The following MEIS2 variants were observed in gnomAD, a reference collection of about 807,000 sequenced individuals.
The protein encoded by MEIS2 is homeobox protein Meis2.
A neutral mutation model predicts 58.6 loss-of-function variants in MEIS2; 9 were observed. The observed-to-expected ratio is 0.15, with a 90% CI of 0.09 to 0.27. The LOEUF is 0.27. Among genes scored for constraint, MEIS2 ranks in the 10% least tolerant of loss-of-function variants. The probability of loss-of-function intolerance (pLI) is 1.00; values close to 1 mark genes in which losing one functional copy is unlikely to be tolerated. For synonymous variants in MEIS2, 221 were observed against 228.4 expected (o/e 0.97, Z 0.29); for missense variants, 427 against 635.0 (o/e 0.67, Z 3.52).
intron 7 of MEIS2, chr15:37,051,007 G>A (rs907362910): frequency 6.6e-6 from 1 of 152,108 alleles, no homozygotes; most frequent in Non-Finnish European, 1.5e-5. Flanking sequence ...CCTCATCTGT[G>A]AAACGGGAAA....
At chr15:36,895,355 G>C (rs1412315313) in intron 10 of MEIS2, 94 bp from the exon 11 acceptor site, 1 of 1,071,146 alleles carries the variant, frequency 9.3e-7, no homozygotes, top group Non-Finnish European at 1.4e-6. Context: ...AAACGTTATA[G>C]CAACAATGTG....
chr15:36,969,300 A>T (rs573082438), intron 8 of MEIS2, among the ~76,000 whole-genome samples: 16 of 152,334 alleles, frequency 1.1e-4, no homozygotes, highest in Non-Finnish European at 2.4e-4. Context: ...CATCAACATT[A>T]AAGTCCTGTT....
At chr15:37,065,489 G>A (rs1889809975) in intron 7 of MEIS2, among the ~76,000 whole-genome samples, 2 of 152,154 alleles carry the variant, frequency 1.3e-5, no homozygotes, top group Admixed American at 1.3e-4. Flanking sequence ...TGAACAACAC[G>A]TGTGACTGAC....
At chr15:36,986,453 T>A (rs1322634322) in intron 8 of MEIS2, among the ~76,000 whole-genome samples, 3 of 152,236 alleles carry the variant, frequency 2.0e-5, no homozygotes, top group African/African-American at 7.2e-5. Context: ...GTGCTCTTAA[T>A]GTTCCACCCA....
intron 8 of MEIS2, among the ~76,000 whole-genome samples, chr15:36,977,957 A>C (rs112967535): frequency 6.6e-6 from 1 of 152,194 alleles, no homozygotes; most frequent in Non-Finnish European, 1.5e-5. Context: ...TTAGGATCTA[A>C]AATTACCCAA....
At chr15:36,972,192 C>T (rs1365435043) in intron 8 of MEIS2, among the ~76,000 whole-genome samples, 2 of 152,032 alleles carry the variant, frequency 1.3e-5, no homozygotes, top group Non-Finnish European at 2.9e-5. Context: ...GCCTGAGTAG[C>T]ACAAAAGTAA....
At chr15:36,900,603 A>T (rs186031856) in intron 9 of MEIS2, among the ~76,000 whole-genome samples, 1 of 152,232 alleles carries the variant, frequency 6.6e-6, no homozygotes. Context: ...AGATGAAAAA[A>T]TACATTAAAA....
At chr15:37,045,676 G>C (rs1034829509) in intron 7 of MEIS2, among the ~76,000 whole-genome samples, 1 of 152,118 alleles carries the variant, frequency 6.6e-6, no homozygotes, top group African/African-American at 2.4e-5. Flanking sequence ...CCAGCAGTGA[G>C]ACCTGCTAAT....
At chr15:36,984,880 T>C (rs2060044936) in intron 8 of MEIS2, among the ~76,000 whole-genome samples, 1 of 152,138 alleles carries the variant, frequency 6.6e-6, no homozygotes. Context: ...TGGCACAAAA[T>C]TGCTCATAGC....
At chr15:37,041,187 G>A (rs1475214105) in intron 7 of MEIS2, among the ~76,000 whole-genome samples, 2 of 152,188 alleles carry the variant, frequency 1.3e-5, no homozygotes, top group African/African-American at 2.4e-5. Context: ...CTGTGCATTG[G>A]CACTAGCTAA....
At chr15:36,895,966 G>T (rs535698376) in intron 10 of MEIS2, among the ~76,000 whole-genome samples, 10 of 152,152 alleles carry the variant, frequency 6.6e-5, no homozygotes, top group African/African-American at 2.4e-4. Context: ...TATTGCAGGA[G>T]ACCACAAACC....
intron 9 of MEIS2, among the ~76,000 whole-genome samples, chr15:36,934,008 C>CATTAGGGCAAAA (rs2058074844): frequency 6.6e-6 from 1 of 152,166 alleles, no homozygotes; most frequent in Admixed American, 6.5e-5. Context: ...GTCAGCTATG[C>CATTAGGGCAAAA]ATATCACATA....
At position 36,996,023 on chromosome 15, in the gene MEIS2, G is replaced by GTA. The variant is rs1334207577; in HGVS notation, c.900+40789_900+40790dup. On this transcript the variant is annotated intron_variant, in intron 8 of 11. Coordinates refer to ENST00000561208, the MANE Select transcript of MEIS2 (RefSeq NM_170675.5). ...TATATGTATATATATATACATATGTGTATATATATACACACACACACACAT... is the reference window on the plus strand; with the variant it reads ...TATATGTATATATATATACATATGTGTATATATATATACACACACACACACAT... Among the ~76,000 whole-genome samples, 286 of 83,134 alleles carry GTA rather than the reference G, an allele frequency of 3.4e-3. 6 individuals carry two copies. The highest frequency in any genetic ancestry group is 5.3e-3 in the Admixed American group (39 of 7,364). 54.5% of individuals were successfully genotyped at this position (83,134 alleles called of 152,430 possible). A position where few individuals can be genotyped will look rare whatever the true frequency, so the allele number is the denominator to read the frequency against.
In MEIS2 at chr15:36,914,026, C is replaced by A. The variant is rs143290029; in HGVS notation, c.978-17340G>T. 8.6e-3 allele frequency among the ~76,000 whole-genome samples: 1,307 copies of A among 152,316 alleles called. 6 individuals are homozygous for A. The highest frequency in any genetic ancestry group is 0.013 in the Non-Finnish European group (869 of 68,026). On this transcript the variant is annotated intron_variant, in intron 9 of 11. Transcript: ENST00000561208. ...ACTTCCTTTCTTCCTGCCATCCTCA[C>A]CTCCAAGGTCAAAGCGATTGGTGGT...
chr15:36,911,540 A>G (rs1185982680), intron 9 of MEIS2, among the ~76,000 whole-genome samples: 2 of 152,198 alleles, frequency 1.3e-5, no homozygotes, highest in Non-Finnish European at 1.5e-5. Context: ...GATAATGTAT[A>G]GCAATGTACA....
intron 8 of MEIS2, among the ~76,000 whole-genome samples, chr15:37,029,339 C>T (rs2061824502): frequency 6.6e-6 from 1 of 152,124 alleles, no homozygotes; most frequent in Admixed American, 6.6e-5. Context: ...TACTGTATAA[C>T]TAAGGTCAAC....
rs191933434 is a variant in MEIS2 at position 37,001,913 on chromosome 15, G to A, written c.900+34901C>T. Among the ~76,000 whole-genome samples the A allele has an allele frequency of 1.4e-4, 21 of 152,132 alleles. No homozygotes were observed. In the East Asian group the frequency reaches 3.5e-3, roughly 25 times the overall value. Reference sequence around the variant, plus strand: ...AGATTTGCCATACGTGCCACAAACCGTACATCATCCGTACTTTGTGAAACA... The same window carrying A: ...AGATTTGCCATACGTGCCACAAACCATACATCATCCGTACTTTGTGAAACA... On this transcript the variant is annotated intron_variant, in intron 8 of 11. Transcript: ENST00000561208.
At chr15:36,896,861 G>A (rs910782629) in intron 9 of MEIS2, 175 bp from the exon 10 acceptor site, 23 of 598,460 alleles carry the variant, frequency 3.8e-5, no homozygotes, top group African/African-American at 3.5e-4. Context: ...GGTAATCTCC[G>A]TCGTCACTGC....
At chr15:36,932,653 T>C (rs1216172284) in intron 9 of MEIS2, among the ~76,000 whole-genome samples, 1 of 152,166 alleles carries the variant, frequency 6.6e-6, no homozygotes, top group Non-Finnish European at 1.5e-5. Context: ...CAAAACTGTA[T>C]GTGTGCATGT....
Sources: allele counts gnomAD v4.1 joint callset (sites outside exome capture counted in the v4.1 genomes callset), GRCh38; gene constraint gnomAD v4.1.1; transcripts MANE v1.5; gene names NCBI Gene and HGNC (gene_info 2026-07-23, HGNC 2026-07-21).